TJP1: variants seen among roughly 807,000 people sequenced by gnomAD.
TJP1 encodes the protein tight junction protein 1.
TJP1 carries 43 observed loss-of-function variants against 194.2 expected under a neutral mutation model. The ratio of observed to expected loss-of-function variants is 0.22; its 90% CI spans 0.17 to 0.29. TJP1 has a LOEUF of 0.29. Among genes scored for constraint, TJP1 ranks in the 10% least tolerant of loss-of-function variants. The pLI is 1.00. For missense variants in TJP1, 1,971 were observed against 2,185.7 expected, an observed-to-expected ratio of 0.90 and a Z score of 1.96; for synonymous variants, 801 against 779.0, an observed-to-expected ratio of 1.03 and a Z score of -0.47.
At chr15:29,948,470 A>G (rs1204270622) in intron 2 of TJP1, among the ~76,000 whole-genome samples, 1 of 152,214 alleles carries the variant, frequency 6.6e-6, no homozygotes, top group Non-Finnish European at 1.5e-5. Context: ...GACATTCACC[A>G]GGCCAGAGCC....
At chr15:29,805,132 A>T (rs557229462) in intron 1 of TJP1, among the ~76,000 whole-genome samples, 1 of 152,380 alleles carries the variant, frequency 6.6e-6, no homozygotes, top group Non-Finnish European at 1.5e-5. Context: ...AGTTCTGCGC[A>T]CATTTCTAAG....
intron 2 of TJP1, among the ~76,000 whole-genome samples, chr15:29,777,716 TA>T (rs1346015506): frequency 2.5e-4 from 4 of 16,108 alleles, no homozygotes; most frequent in African/African-American, 2.8e-4. Flanking sequence ...ACAAATGTAC[TA>T]TTCTTTTGAC....
Position 29,716,724 on chromosome 15 carries a change from G to A in TJP1, c.4089C>T (p.Asp1363=). ...GAGGCTTATTCTCAAAACTTCTTCGGTCAAAGTATGACAGCTGTTTTCGAT... is the reference window on the plus strand; with the variant it reads ...GAGGCTTATTCTCAAAACTTCTTCGATCAAAGTATGACAGCTGTTTTCGAT... ...EYYRKQLSYF[D]RRSFENKPPA... is the part of the protein sequence containing the mutation. The change falls in exon 23 of 28, where the codon GAC becomes GAT. Residue 1363 remains aspartate, a synonymous_variant. Transcript: ENST00000614355. 3 of 1,614,098 alleles carry A rather than the reference G, an allele frequency of 1.9e-6. No homozygotes were observed. Among genetic ancestry groups the A allele is most frequent in the Non-Finnish European group, 2.5e-6 (3 of 1,180,006 alleles).
rs182266610 is a variant in TJP1 at position 29,822,442 on chromosome 15, A to G, written c.-414T>C. 1 of 987,048 alleles carries G rather than the reference A, an allele frequency of 1.0e-6. No homozygotes were observed. The allele number at this position is 987,048 out of a possible 1,614,324, so 61.1% of individuals were successfully genotyped here. On this transcript the variant is annotated 5_prime_UTR_variant, in exon 1 of 28. Coordinates refer to ENST00000614355, the MANE Select transcript of TJP1 (RefSeq NM_001330239.4). The stretch of plus-strand genomic sequence containing the variant: ...CAAGGAACGCGGCGTCCGCTGGCTC[A>G]GCCGGCGCCGGCAACTCAGCGGCCA...
At chr15:29,893,857 T>TA (rs1192074082) in intron 2 of TJP1, among the ~76,000 whole-genome samples, 1 of 152,058 alleles carries the variant, frequency 6.6e-6, no homozygotes, top group African/African-American at 2.4e-5. Context: ...CTATAAACGA[T>TA]AAAAAAACAA....
chr15:29,838,992 C>CTTTTTTTTTTT (rs760557407), intron 2 of TJP1, among the ~76,000 whole-genome samples: 1 of 83,444 alleles, frequency 1.2e-5, no homozygotes, highest in Non-Finnish European at 2.1e-5. Flanking sequence ...AAAAATTCAC[C>CTTTTTTTTTTT]TTTTTTTTTT....
intron 2 of TJP1, among the ~76,000 whole-genome samples, chr15:29,907,444 T>C (rs1217734525): frequency 6.6e-6 from 1 of 152,028 alleles, no homozygotes; most frequent in East Asian, 1.9e-4. Context: ...AAGTGGTACA[T>C]ACATGTATTC....
Position 29,766,300 on chromosome 15 carries a change from A to C in TJP1, c.555T>G (p.Thr185=). ...SVASSQPAKP[T]KVTLVKSRKN... ...TCCGGGATTTCACCAGTGTGACTTT[A>C]GTAGGTTTAGCAGGCTGGCTGGAAG... Residue 185 remains threonine (T), a synonymous_variant, in exon 5 of 28, where the codon ACT becomes ACG. Coordinates refer to ENST00000614355, the MANE Select transcript of TJP1 (RefSeq NM_001330239.4). 1 of 1,613,970 alleles carries C rather than the reference A, an allele frequency of 6.2e-7. No homozygotes were observed. The highest frequency in any genetic ancestry group is 8.5e-7 in the Non-Finnish European group (1 of 1,179,962).
Position 29,822,329 on chromosome 15 carries a change from T to C in TJP1, c.-301A>G. 9.3e-7 allele frequency: 1 copy of C among 1,079,780 alleles called. No individual in the cohort carries two copies. Among genetic ancestry groups the C allele is most frequent in the Non-Finnish European group, 1.1e-6 (1 of 890,576 alleles). The allele number at this position is 1,079,780 out of a possible 1,614,324, so 66.9% of individuals were successfully genotyped here. A position where few individuals can be genotyped will look rare whatever the true frequency, so the allele number is the denominator to read the frequency against. ...GCCCGGCCACGTCGGCCTCGCCCGG[T>C]CGCCCGCCCGTCAGCAGCACCCGTG... On this transcript the variant is annotated 5_prime_UTR_variant, in exon 1 of 28. Coordinates refer to ENST00000614355, the MANE Select transcript of TJP1 (RefSeq NM_001330239.4).
At chr15:29,830,630 T>C (rs993388379) in intron 2 of TJP1, among the ~76,000 whole-genome samples, 8 of 151,674 alleles carry the variant, frequency 5.3e-5, no homozygotes, top group African/African-American at 1.9e-4. Context: ...AAGTATAAAA[T>C]AAAAAAAGTT....
intron 2 of TJP1, among the ~76,000 whole-genome samples, chr15:29,935,225 C>G (rs2054844981): frequency 6.6e-6 from 1 of 152,212 alleles, no homozygotes; most frequent in Non-Finnish European, 1.5e-5. Context: ...CTCCACAGAA[C>G]ATCTTTTTCT....
At chr15:29,811,707 C>G (rs1190379857) in intron 1 of TJP1, among the ~76,000 whole-genome samples, 3 of 151,798 alleles carry the variant, frequency 2.0e-5, no homozygotes, top group African/African-American at 7.2e-5. Context: ...GAACCTTCCT[C>G]TGAAACCATA....
At chr15:29,777,636 T>C (rs1175248097) in intron 2 of TJP1, among the ~76,000 whole-genome samples, 2 of 151,724 alleles carry the variant, frequency 1.3e-5, no homozygotes, top group South Asian at 4.2e-4. Flanking sequence ...TAGCAAACAG[T>C]CTACTACTGA....
intron 5 of TJP1, among the ~76,000 whole-genome samples, chr15:29,763,405 C>A (rs2046129441): frequency 6.6e-6 from 1 of 152,108 alleles, no homozygotes; most frequent in Admixed American, 6.6e-5. Context: ...AATCAAAAAC[C>A]AAGATGGAAA....
chr15:29,837,592 T>A (rs1032793038), intron 2 of TJP1, among the ~76,000 whole-genome samples: 1 of 152,240 alleles, frequency 6.6e-6, no homozygotes. Flanking sequence ...CTCTATTTGT[T>A]ATTTAAATTT....
intron 2 of TJP1, among the ~76,000 whole-genome samples, chr15:29,833,879 A>ATTTTTTT (rs1460129845): frequency 7.3e-5 from 1 of 13,790 alleles, no homozygotes; most frequent in East Asian, 7.0e-3. Context: ...ATATATATAT[A>ATTTTTTT]TATTTTTTTT....
chr15:29,945,650 A>G (rs1379758927), intron 2 of TJP1, among the ~76,000 whole-genome samples: 2 of 152,076 alleles, frequency 1.3e-5, no homozygotes, highest in African/African-American at 4.8e-5. Context: ...GACAGCAACA[A>G]ATGAAGGGAT....
chr15:29,735,397 T>C (rs2043959239), intron 11 of TJP1, among the ~76,000 whole-genome samples: 1 of 151,980 alleles, frequency 6.6e-6, no homozygotes, highest in Non-Finnish European at 1.5e-5. Flanking sequence ...GAGACCAGTC[T>C]GGGCCACGTG....
At chr15:29,733,380 T>A in intron 12 of TJP1, 67 bp from the exon 13 acceptor site, 1 of 1,052,734 alleles carries the variant, frequency 9.5e-7, no homozygotes, top group Non-Finnish European at 1.4e-6. Context: ...GACAGTACAT[T>A]ATGTAAAGAT....
Sources: allele counts gnomAD v4.1 joint callset (sites outside exome capture counted in the v4.1 genomes callset), GRCh38; gene constraint gnomAD v4.1.1; transcripts MANE v1.5; gene names NCBI Gene and HGNC (gene_info 2026-07-23, HGNC 2026-07-21).